COL18A1: variants seen among roughly 807,000 people sequenced by gnomAD.
COL18A1 encodes collagen type XVIII alpha 1 chain, also known as collagen alpha-1(XVIII) chain.
A neutral mutation model predicts 168.0 loss-of-function variants in COL18A1; 133 were observed. That is an observed-to-expected ratio of 0.79 (90% CI 0.69 to 0.91). The LOEUF is 0.91. Ranked by LOEUF, COL18A1 falls within the 40% of genes least tolerant of loss-of-function variation. The pLI, the probability that COL18A1 is intolerant of heterozygous loss-of-function variation, is 0.00. For missense variants in COL18A1, 2,126 were observed against 1,925.4 expected (o/e 1.10, Z -1.95); for synonymous variants, 949 against 809.0 (o/e 1.17, Z -2.94).
intron 2 of COL18A1, among the ~76,000 whole-genome samples, chr21:45,411,284 GC>G (rs2033281252): frequency 2.0e-5 from 3 of 152,178 alleles, no homozygotes; most frequent in Admixed American, 6.5e-5. Flanking sequence ...CCATGCTGGG[GC>G]TAAAGAGGCC....
intron 19 of COL18A1, 64 bp from the exon 20 acceptor site, chr21:45,490,211 G>C (rs1191895035): frequency 8.5e-6 from 12 of 1,409,866 alleles, no homozygotes; most frequent in Non-Finnish European, 1.1e-5. Flanking sequence ...CGGACTCCTC[G>C]TGGGGGTCCC....
At chr21:45,464,753 C>A (rs895887347) in intron 2 of COL18A1, among the ~76,000 whole-genome samples, 3 of 152,200 alleles carry the variant, frequency 2.0e-5, no homozygotes, top group Admixed American at 2.0e-4. Context: ...CGGTGTTGGA[C>A]AAGTCCTCAT....
At chr21:45,430,160 T>C (rs969051286) in intron 2 of COL18A1, among the ~76,000 whole-genome samples, 4 of 151,242 alleles carry the variant, frequency 2.6e-5, no homozygotes, top group East Asian at 3.9e-4. Context: ...CTGCATGTGC[T>C]GTGTCCATGA....
intron 2 of COL18A1, among the ~76,000 whole-genome samples, chr21:45,430,434 C>T (rs2033924513): frequency 6.6e-6 from 1 of 152,134 alleles, no homozygotes. Flanking sequence ...CTGCCTGCCA[C>T]CCGGGTCCTC....
chr21:45,510,176 G>T lies in COL18A1; in HGVS notation c.3608G>T (p.Arg1203Leu), dbSNP rs775271361. 2 of 1,596,480 alleles carry T rather than the reference G, an allele frequency of 1.3e-6. No homozygotes were observed. The highest frequency in any genetic ancestry group is 1.7e-6 in the Non-Finnish European group (2 of 1,172,600). ...GCCGTGGGGCTGGCGGGCACCTTCC[G>T]CGCCTTCCTGTCCTCGCGCCTGCAG... ...ARAVGLAGTF[R>L]AFLSSRLQDL... The change falls in exon 40 of 42, where the codon CGC becomes CTC. Residue 1203 changes from arginine (R) to leucine (L), a missense_variant. Physicochemically the swap from Arg to Leu is moderately radical, Grantham distance 102 (BLOSUM62 -2). Coordinates refer to ENST00000651438, the MANE Select transcript of COL18A1 (RefSeq NM_001379500.1).
intron 32 of COL18A1, among the ~76,000 whole-genome samples, chr21:45,502,347 A>G (rs1347659132): frequency 6.6e-6 from 1 of 152,256 alleles, no homozygotes; most frequent in Admixed American, 6.5e-5. Flanking sequence ...CTAAGGTCCC[A>G]CCTGGAAGGA....
chr21:45,430,428 C>T (rs1015549992), intron 2 of COL18A1, among the ~76,000 whole-genome samples: 1 of 152,138 alleles, frequency 6.6e-6, no homozygotes, highest in South Asian at 2.1e-4. Context: ...AGGGGCCTGC[C>T]TGCCACCCGG....
chr21:45,408,122 G>A (rs988342556), intron 2 of COL18A1: 1 of 152,248 alleles, frequency 6.6e-6, no homozygotes, highest in African/African-American at 2.4e-5. Context: ...GCAGAGCAGG[G>A]GAAGTCCTCT....
At chr21:45,472,992 G>C (rs1194078519) in intron 3 of COL18A1, among the ~76,000 whole-genome samples, 1 of 152,232 alleles carries the variant, frequency 6.6e-6, no homozygotes, top group African/African-American at 2.4e-5. Context: ...GGGAGCCCCA[G>C]GCTCCAGCTG....
At chr21:45,502,528 T>C (rs2036920471) in intron 32 of COL18A1, 1 of 152,202 alleles carries the variant, frequency 6.6e-6, no homozygotes, top group African/African-American at 2.4e-5. Flanking sequence ...GAAGAGAAAT[T>C]GCGTATGTTT....
intron 41 of COL18A1, 104 bp downstream of exon 41, chr21:45,511,330 T>C: frequency 1.4e-6 from 1 of 708,220 alleles, no homozygotes. Flanking sequence ...GGACAAATCT[T>C]ATACATGCTC....
intron 2 of COL18A1, among the ~76,000 whole-genome samples, chr21:45,436,974 A>C (rs1369246530): frequency 1.3e-5 from 2 of 151,424 alleles, no homozygotes; most frequent in Non-Finnish European, 2.9e-5. Flanking sequence ...TGGCTGTGGC[A>C]GGAGCTGTGG....
At chr21:45,421,314 G>A (rs548396971) in intron 2 of COL18A1, 17 of 444,118 alleles carry the variant, frequency 3.8e-5, no homozygotes, top group African/African-American at 1.0e-4. Context: ...GGAGGGCCAC[G>A]GTCACGCTTG....
chr21:45,495,741 CTCA>C (rs1219504358), intron 29 of COL18A1: 22 of 399,488 alleles, frequency 5.5e-5, no homozygotes, highest in South Asian at 4.2e-4. Flanking sequence ...TCCACACGTG[CTCA>C]TGTGTGTACA....
chr21:45,497,802 C>A, intron 32 of COL18A1, 141 bp downstream of exon 32: 3 of 1,216,972 alleles, frequency 2.5e-6, no homozygotes, highest in Non-Finnish European at 2.3e-6. Flanking sequence ...AGGAAGGAAG[C>A]CCCTTCTGGG....
chr21:45,474,733 C>G (rs2035578292), intron 4 of COL18A1, among the ~76,000 whole-genome samples: 1 of 146,676 alleles, frequency 6.8e-6, no homozygotes. Flanking sequence ...CTCCTGGGGG[C>G]GTGGGCAGGA....
chr21:45,421,430 G>A (rs752976629), intron 2 of COL18A1: 2 of 534,434 alleles, frequency 3.7e-6, no homozygotes, highest in African/African-American at 3.8e-5. Context: ...TGGAAGTGTT[G>A]GGGGCTGTGT....
At chr21:45,472,826 C>T (rs571784945) in intron 3 of COL18A1, among the ~76,000 whole-genome samples, 37 of 152,306 alleles carry the variant, frequency 2.4e-4, no homozygotes, top group East Asian at 7.7e-4. Context: ...TGAGCTCACA[C>T]GCGTGCATAC....
intron 2 of COL18A1, among the ~76,000 whole-genome samples, chr21:45,412,759 G>A (rs1214673606): frequency 6.6e-6 from 1 of 152,252 alleles, no homozygotes. Context: ...GTGCCTGTGG[G>A]GAGGCCACGT....
Sources: gnomAD v4.1 joint callset for allele counts (sites outside exome capture counted in the v4.1 genomes callset) on GRCh38, gnomAD v4.1.1 for gene constraint, MANE v1.5 for transcripts, NCBI Gene and HGNC (gene_info 2026-07-23, HGNC 2026-07-21) for gene names.